Variants in ZNF385D observed in about 807,000 individuals in gnomAD.
ZNF385D encodes zinc finger protein 385D.
In ZNF385D, 15 loss-of-function variants were observed where a neutral mutation model predicts 35.8. The ratio of observed to expected loss-of-function variants is 0.42; its 90% CI spans 0.28 to 0.64. ZNF385D has a LOEUF of 0.64. Among genes scored for constraint, ZNF385D ranks in the 30% least tolerant of loss-of-function variants. The pLI is 0.23. For synonymous variants in ZNF385D, 212 were observed against 186.8 expected (o/e 1.13, Z -1.10); for missense variants, 474 against 494.6 (o/e 0.96, Z 0.39).
chr3:22,037,832 A>T (rs1163050135), intron 3 of ZNF385D, among the ~76,000 whole-genome samples: 1 of 152,092 alleles, frequency 6.6e-6, no homozygotes, highest in Non-Finnish European at 1.5e-5. Context: ...TAGGGTTTTT[A>T]TGGTTTTAGG....
chr3:21,814,564 CA>C (rs1488914365), intron 3 of ZNF385D, among the ~76,000 whole-genome samples: 1 of 152,028 alleles, frequency 6.6e-6, no homozygotes, highest in Admixed American at 6.6e-5. Flanking sequence ...TTTAAACCAA[CA>C]AAGATCAAAA....
intron 3 of ZNF385D, among the ~76,000 whole-genome samples, chr3:21,938,443 T>C (rs867199230): frequency 9.9e-5 from 15 of 152,218 alleles, no homozygotes; most frequent in African/African-American, 3.4e-4. Context: ...CAGATGTTTC[T>C]AGGCAATTAT....
At chr3:22,302,606 A>C (rs1702964018) in intron 2 of ZNF385D, among the ~76,000 whole-genome samples, 1 of 151,966 alleles carries the variant, frequency 6.6e-6, no homozygotes, top group African/African-American at 2.4e-5. Flanking sequence ...ATTAAAATTA[A>C]GAATAAAATT....
intron 3 of ZNF385D, among the ~76,000 whole-genome samples, chr3:22,126,091 T>C (rs1305043779): frequency 1.3e-5 from 2 of 152,110 alleles, no homozygotes; most frequent in African/African-American, 4.8e-5. Flanking sequence ...GTTCCTTGTA[T>C]ACCCAGGTTT....
intron 2 of ZNF385D, among the ~76,000 whole-genome samples, chr3:22,177,757 T>A (rs1455946237): frequency 1.3e-5 from 2 of 152,136 alleles, no homozygotes; most frequent in Non-Finnish European, 2.9e-5. Flanking sequence ...CAACAGTCCC[T>A]GGTGTGTGAT....
chr3:22,024,495 G>C (rs546559746), intron 3 of ZNF385D, among the ~76,000 whole-genome samples: 1 of 151,766 alleles, frequency 6.6e-6, no homozygotes. Context: ...AAAATGCTAA[G>C]GACTCTACTT....
chr3:21,819,488 T>C (rs2073298373), intron 3 of ZNF385D, among the ~76,000 whole-genome samples: 1 of 151,106 alleles, frequency 6.6e-6, no homozygotes, highest in Non-Finnish European at 1.5e-5. Context: ...ACAATAAAAA[T>C]TATGTTTTAA....
chr3:21,825,487 A>T (rs1047627357), intron 3 of ZNF385D, among the ~76,000 whole-genome samples: 13 of 152,284 alleles, frequency 8.5e-5, no homozygotes, highest in African/African-American at 3.1e-4. Context: ...CAAATAAAAA[A>T]AAAAGTGTAG....
intron 3 of ZNF385D, among the ~76,000 whole-genome samples, chr3:22,008,445 C>T (rs557822019): frequency 6.7e-6 from 1 of 149,580 alleles, no homozygotes; most frequent in East Asian, 2.0e-4. Context: ...CTCCGCCCCC[C>T]GGAGTTCACA....
chr3:21,624,608 C>A (rs953428388), intron 2 of ZNF385D, among the ~76,000 whole-genome samples: 1 of 151,906 alleles, frequency 6.6e-6, no homozygotes, highest in Non-Finnish European at 1.5e-5. Flanking sequence ...GCTGGCTTCC[C>A]AACTTTCCAG....
chr3:21,464,187 G>A (rs2125321449), intron 4 of ZNF385D, among the ~76,000 whole-genome samples: 1 of 152,280 alleles, frequency 6.6e-6, no homozygotes, highest in Middle Eastern at 3.4e-3. Flanking sequence ...TTTTGAGAAA[G>A]TAATTGCAGA....
intron 3 of ZNF385D, among the ~76,000 whole-genome samples, chr3:22,022,210 A>T (rs535068410): frequency 2.1e-4 from 32 of 152,274 alleles, no homozygotes; most frequent in Non-Finnish European, 4.0e-4. Flanking sequence ...CAACTTATAC[A>T]AAGTATATAA....
intron 1 of ZNF385D, among the ~76,000 whole-genome samples, chr3:21,709,360 C>A (rs2068018061): frequency 6.6e-6 from 1 of 152,120 alleles, no homozygotes; most frequent in African/African-American, 2.4e-5. Flanking sequence ...TCTGTACCTG[C>A]TTTTTACTAA....
At chr3:21,654,783 G>A (rs554719077) in intron 2 of ZNF385D, among the ~76,000 whole-genome samples, 18 of 152,134 alleles carry the variant, frequency 1.2e-4, no homozygotes, top group Admixed American at 2.6e-4. Context: ...ACCTCTAAAT[G>A]CTCACTCTCA....
chr3:22,036,766 G>A (rs938951836), intron 3 of ZNF385D, among the ~76,000 whole-genome samples: 1 of 147,470 alleles, frequency 6.8e-6, no homozygotes, highest in African/African-American at 2.5e-5. Context: ...CAACGTGCAA[G>A]TTTGCTACAT....
intron 3 of ZNF385D, among the ~76,000 whole-genome samples, chr3:21,761,187 C>T (rs1319816720): frequency 2.6e-5 from 4 of 152,108 alleles, no homozygotes; most frequent in African/African-American, 9.7e-5. Context: ...CAAACTGGGC[C>T]AAGCCTTCAC....
chr3:21,890,426 C>G (rs1698789853), intron 3 of ZNF385D, among the ~76,000 whole-genome samples: 1 of 152,106 alleles, frequency 6.6e-6, no homozygotes, highest in South Asian at 2.1e-4. Context: ...TGAGACCAGC[C>G]TGGCCAACAT....
At chr3:22,232,417 G>T (rs1698947644) in intron 2 of ZNF385D, among the ~76,000 whole-genome samples, 1 of 151,558 alleles carries the variant, frequency 6.6e-6, no homozygotes, top group Non-Finnish European at 1.5e-5. Context: ...TTAAGTTCTG[G>T]GATACATGTG....
Position 22,107,026 on chromosome 3 carries a change from G to GTTTTTTTTTTTTTTTTTT in ZNF385D, c.325+61790_325+61791insAAAAAAAAAAAAAAAAAA, listed in dbSNP as rs10676871. Among the ~76,000 whole-genome samples, 32 of 118,816 alleles carry GTTTTTTTTTTTTTTTTTT rather than the reference G, an allele frequency of 2.7e-4. 2 individuals carry two copies. Among genetic ancestry groups the GTTTTTTTTTTTTTTTTTT allele is most frequent in the South Asian group, 1.5e-3 (5 of 3,446 alleles). The allele number at this position is 118,816 out of a possible 152,430, so 77.9% of individuals were successfully genotyped here. A position where few individuals can be genotyped will look rare whatever the true frequency, so the allele number is the denominator to read the frequency against. ...TTTATGCAAAAACTTTGGAATGAGA[G>GTTTTTTTTTTTTTTTTTT]TTTTTTTTTTTTTTTTAGACAGAGT... On this transcript the variant is annotated intron_variant, in intron 3 of 5. Transcript: ENST00000494108.
Sources: allele counts gnomAD v4.1 joint callset (sites outside exome capture counted in the v4.1 genomes callset), GRCh38; gene constraint gnomAD v4.1.1; transcripts MANE v1.5; gene names NCBI Gene and HGNC (gene_info 2026-07-23, HGNC 2026-07-21).